COL4A4: variants seen among roughly 807,000 people sequenced by gnomAD.
COL4A4 encodes collagen alpha-4(IV) chain.
COL4A4 carries 105 observed loss-of-function variants against 192.9 expected under a neutral mutation model. The observed-to-expected ratio is 0.54, with a 90% CI of 0.46 to 0.64. COL4A4 has a LOEUF of 0.64. COL4A4 is among the 30% of genes least tolerant of loss of function. The probability of loss-of-function intolerance (pLI) is 0.00; values close to 1 mark genes in which losing one functional copy is unlikely to be tolerated. For missense variants in COL4A4, 1,967 were observed against 2,169.3 expected (o/e 0.91, Z 1.85); for synonymous variants, 762 against 769.9 (o/e 0.99, Z 0.17).
intron 6 of COL4A4, among the ~76,000 whole-genome samples, 163 bp downstream of exon 6, chr2:227,119,732 A>G (rs1215984381): frequency 6.7e-6 from 1 of 148,722 alleles, no homozygotes; most frequent in African/African-American, 2.4e-5. Context: ...ATATATATAT[A>G]TTACGTTGCT....
chr2:227,005,229 AC>A lies in COL4A4; in HGVS notation c.*2095del, dbSNP rs1961847358. 1.3e-5 allele frequency: 2 copies of A among 151,594 alleles called. No homozygotes were observed. Among genetic ancestry groups the A allele is most frequent in the African/African-American group, 4.9e-5 (2 of 41,202 alleles). 9.4% of individuals were successfully genotyped at this position (151,594 alleles called of 1,614,324 possible). ...GTTTTTTTTTTTTACTTATTTATTAACTTATGAAGATAATATTCTAATACCA... is the reference window on the plus strand; with the variant it reads ...GTTTTTTTTTTTTACTTATTTATTAATTATGAAGATAATATTCTAATACCA... On this transcript the variant is annotated 3_prime_UTR_variant, in exon 48 of 48. Transcript: ENST00000396625.
intron 1 of COL4A4, among the ~76,000 whole-genome samples, chr2:227,163,489 T>C (rs1262969765): frequency 6.6e-6 from 1 of 152,268 alleles, no homozygotes; most frequent in Non-Finnish European, 1.5e-5. Context: ...TTGTATTTTA[T>C]GCATTTCACA....
intron 38 of COL4A4, among the ~76,000 whole-genome samples, 176 bp downstream of exon 38, chr2:227,033,234 T>G (rs1968805542): frequency 6.6e-6 from 1 of 152,200 alleles, no homozygotes; most frequent in South Asian, 2.1e-4. Context: ...AATGTCCTTT[T>G]CATATGTCAT....
chr2:227,103,204 A>T lies in COL4A4; in HGVS notation c.817-7T>A, dbSNP rs2150794756. The T allele has an allele frequency of 6.2e-7, 1 of 1,607,314 alleles. No homozygotes were observed. Among genetic ancestry groups the T allele is most frequent in the Non-Finnish European group, 8.5e-7 (1 of 1,174,422 alleles). On this transcript the variant is annotated splice_polypyrimidine_tract_variant and splice_region_variant and intron_variant, in intron 13 of 47. Transcript: ENST00000396625. ...CAGGAATTCCTTTTATACCCTAAAA[A>T]TTACAATGAATATAATTTGGTCTAT...
At chr2:226,988,217 C>T in the COL4A4 span, 1 of 937,500 alleles carries the variant, frequency 1.1e-6, no homozygotes, top group East Asian at 2.8e-5. Flanking sequence ...AAGACAGTCT[C>T]AAGATCAAGA....
intron 4 of COL4A4, among the ~76,000 whole-genome samples, chr2:227,122,603 T>C (rs1461927642): frequency 1.3e-5 from 2 of 152,146 alleles, no homozygotes; most frequent in Non-Finnish European, 2.9e-5. Flanking sequence ...CCAGCCCTAC[T>C]CTGGCAACCC....
intron 4 of COL4A4, among the ~76,000 whole-genome samples, chr2:227,138,857 T>C (rs777435793): frequency 1.3e-5 from 2 of 152,172 alleles, no homozygotes; most frequent in Non-Finnish European, 2.9e-5. Context: ...TCCCTTCTCT[T>C]GTGGGTAGTG....
At chr2:227,041,597 C>T (rs1044613593) in intron 37 of COL4A4, among the ~76,000 whole-genome samples, 18 of 147,126 alleles carry the variant, frequency 1.2e-4, no homozygotes, top group African/African-American at 3.8e-4. Context: ...GCTGAGAACG[C>T]GTCACTGTAC....
intron 8 of COL4A4, among the ~76,000 whole-genome samples, chr2:227,113,061 T>C (rs1190251284): frequency 1.3e-5 from 2 of 152,224 alleles, no homozygotes; most frequent in Non-Finnish European, 2.9e-5. Flanking sequence ...CTTTCAGTTC[T>C]TTGGGGTATA....
intron 37 of COL4A4, among the ~76,000 whole-genome samples, chr2:227,041,866 GAAAGAA>G (rs1244091608): frequency 1.5e-5 from 2 of 130,038 alleles, no homozygotes; most frequent in African/African-American, 3.2e-5. Context: ...AAGAAAGAAA[GAAAGAA>G]AGAAAGAAAG....
Position 227,060,125 on chromosome 2 carries a change from A to AAAAAAAAAAAAAAAAAAT in COL4A4, c.2164+10_2164+11insATTTTTTTTTTTTTTTTT. 7.0e-7 allele frequency: 1 copy of AAAAAAAAAAAAAAAAAAT among 1,436,018 alleles called. No homozygotes were observed. Among genetic ancestry groups the AAAAAAAAAAAAAAAAAAT allele is most frequent in the East Asian group, 2.3e-5 (1 of 43,990 alleles). The allele number at this position is 1,436,018 out of a possible 1,614,324, so 89.0% of individuals were successfully genotyped here. ...AGAAAAAAAAAAAAAAAAAAAAAAA[A>AAAAAAAAAAAAAAAAAAT]CCTCACTGACCAGGTGGACCTGGTA... On this transcript the variant is annotated intron_variant, in intron 27 of 47. Coordinates refer to ENST00000396625, the MANE Select transcript of COL4A4 (RefSeq NM_000092.5).
At chr2:226,983,677 C>T in the COL4A4 span, among the ~76,000 whole-genome samples, 22 of 151,754 alleles carry the variant, frequency 1.4e-4, no homozygotes, top group African/African-American at 5.1e-4. Flanking sequence ...CTTTTTTTCA[C>T]GTGCAAAGGT....
At chr2:227,120,053 T>C in intron 5 of COL4A4, 114 bp from the exon 6 acceptor site, 1 of 747,490 alleles carries the variant, frequency 1.3e-6, no homozygotes, top group Non-Finnish European at 2.0e-6. Context: ...GCAGTCATTG[T>C]CACCTATTTT....
rs59926731 is a variant in COL4A4 at position 227,045,894 on chromosome 2, T to G, written c.3289+1581A>C. Among the ~76,000 whole-genome samples the G allele has an allele frequency of 2.3e-4, 22 of 96,816 alleles. 2 individuals are homozygous for G. The highest frequency in any genetic ancestry group is 7.5e-4 in the East Asian group (3 of 3,976). 63.5% of individuals were successfully genotyped at this position (96,816 alleles called of 152,430 possible). A position where few individuals can be genotyped will look rare whatever the true frequency, so the allele number is the denominator to read the frequency against. ...TATATACATATATATGTATATATAT[T>G]TAGATAGTATATATATGTATGTATA... On this transcript the variant is annotated intron_variant, in intron 35 of 47. Transcript: ENST00000396625.
chr2:227,119,534 G>T (rs1420666395), intron 6 of COL4A4, among the ~76,000 whole-genome samples: 1 of 148,020 alleles, frequency 6.8e-6, no homozygotes, highest in African/African-American at 2.5e-5. Context: ...TAAAATATAA[G>T]ATACATATTG....
intron 13 of COL4A4, among the ~76,000 whole-genome samples, chr2:227,103,743 G>T (rs948213489): frequency 1.3e-5 from 2 of 152,186 alleles, no homozygotes; most frequent in Non-Finnish European, 2.9e-5. Context: ...AGCAGCCTGA[G>T]CTAGGTCTGC....
At chr2:227,137,428 T>C (rs2141826) in intron 4 of COL4A4, among the ~76,000 whole-genome samples, 78,422 of 152,026 alleles carry the variant, frequency 0.52, 21,148 homozygotes, top group African/African-American at 0.67. Context: ...TGATTCCTGG[T>C]TCTCCTGCAT....
At chr2:227,094,948 C>G (rs539599364) in intron 19 of COL4A4, among the ~76,000 whole-genome samples, 2 of 152,234 alleles carry the variant, frequency 1.3e-5, no homozygotes, top group South Asian at 4.1e-4. Flanking sequence ...GAACAGATTA[C>G]TAGCCGTAAA....
At position 227,059,386 on chromosome 2, in the gene COL4A4, G is replaced by T; in HGVS notation, c.2383+19C>A. On this transcript the variant is annotated intron_variant, in intron 28 of 47. Coordinates refer to ENST00000396625, the MANE Select transcript of COL4A4 (RefSeq NM_000092.5). ...CTGAGCCAGCTCTATGCACCAAAAG[G>T]ACAGCAAAGCCCTCATACCTTCAGC... The T allele has an allele frequency of 6.2e-7, 1 of 1,605,690 alleles. No homozygotes were observed. The highest frequency in any genetic ancestry group is 1.1e-5 in the South Asian group (1 of 90,908).
Sources: gnomAD v4.1 joint callset for allele counts (sites outside exome capture counted in the v4.1 genomes callset) on GRCh38, gnomAD v4.1.1 for gene constraint, MANE v1.5 for transcripts, NCBI Gene and HGNC (gene_info 2026-07-23, HGNC 2026-07-21) for gene names.